CNTNAP5: variants seen among roughly 807,000 people sequenced by gnomAD.
CNTNAP5 encodes contactin associated protein family member 5.
Under a neutral mutation model 150.2 loss-of-function variants are expected in CNTNAP5, and 72 were observed. That is an observed-to-expected ratio of 0.48 (90% CI 0.40 to 0.58). The LOEUF (loss-of-function observed/expected upper bound fraction) is 0.58. CNTNAP5 is among the 20% of genes least tolerant of loss of function. The pLI is 0.00. For synonymous variants in CNTNAP5, 672 were observed against 619.8 expected, an observed-to-expected ratio of 1.08 and a Z score of -1.25; for missense variants, 1,636 against 1,626.2, an observed-to-expected ratio of 1.01 and a Z score of -0.10.
intron 3 of CNTNAP5, among the ~76,000 whole-genome samples, chr2:124,269,937 C>T (rs762878646): frequency 2.6e-5 from 4 of 152,108 alleles, no homozygotes; most frequent in Non-Finnish European, 5.9e-5. Context: ...ATCATGTCTG[C>T]GGATGTTAAT....
At chr2:124,387,306 A>G (rs1690954680) in intron 3 of CNTNAP5, among the ~76,000 whole-genome samples, 1 of 152,128 alleles carries the variant, frequency 6.6e-6, no homozygotes, top group Non-Finnish European at 1.5e-5. Flanking sequence ...TTTTCTTCAA[A>G]TCTATTATTT....
chr2:124,546,617 G>A (rs549326920), intron 10 of CNTNAP5, among the ~76,000 whole-genome samples: 56 of 152,296 alleles, frequency 3.7e-4, no homozygotes, highest in African/African-American at 1.3e-3. Flanking sequence ...GTAGTTGGTA[G>A]TGTAGACAAT....
chr2:124,887,664 A>C (rs933755383), intron 21 of CNTNAP5, among the ~76,000 whole-genome samples: 2 of 152,158 alleles, frequency 1.3e-5, no homozygotes, highest in Non-Finnish European at 2.9e-5. Flanking sequence ...TGAGGATGAA[A>C]GAAGGAACTC....
chr2:124,187,808 A>C (rs935826579), intron 1 of CNTNAP5, among the ~76,000 whole-genome samples: 3 of 152,218 alleles, frequency 2.0e-5, no homozygotes, highest in African/African-American at 7.2e-5. Context: ...TCTGATGACT[A>C]AAACAATTTT....
intron 1 of CNTNAP5, among the ~76,000 whole-genome samples, chr2:124,174,014 C>T (rs1162853586): frequency 6.6e-6 from 1 of 151,368 alleles, no homozygotes; most frequent in Admixed American, 6.6e-5. Flanking sequence ...CTACTTGTGC[C>T]TCATAAATGG....
chr2:124,337,649 GT>G (rs1432155441), intron 3 of CNTNAP5, among the ~76,000 whole-genome samples: 1 of 152,120 alleles, frequency 6.6e-6, no homozygotes, highest in Non-Finnish European at 1.5e-5. Context: ...CCCATTTCCT[GT>G]TTTTGTCAGG....
At chr2:124,188,086 A>T (rs533248431) in intron 1 of CNTNAP5, among the ~76,000 whole-genome samples, 1 of 152,318 alleles carries the variant, frequency 6.6e-6, no homozygotes, top group African/African-American at 2.4e-5. Flanking sequence ...TCTGAGCAGA[A>T]CTGCAACAGA....
In CNTNAP5 at chr2:124,542,695, T is replaced by C. The variant is rs567989689; in HGVS notation, c.1649+15239T>C. Among the ~76,000 whole-genome samples, 5 of 152,286 alleles carry C rather than the reference T, an allele frequency of 3.3e-5. No individual in the cohort carries two copies. In the South Asian group the frequency reaches 1.0e-3, roughly 32 times the overall value. ...TTGGGTGTCTCTGGCACTTTCTTCT[T>C]ATATTTTGTTTAGCTCCCAACCATA... On this transcript the variant is annotated intron_variant, in intron 10 of 23. Coordinates refer to ENST00000682447, the MANE Select transcript of CNTNAP5 (RefSeq NM_001367498.1).
chr2:124,474,973 T>A, intron 7 of CNTNAP5, 91 bp downstream of exon 7: 1 of 1,091,754 alleles, frequency 9.2e-7, no homozygotes, highest in Non-Finnish European at 1.3e-6. Flanking sequence ...CCATTCGTAA[T>A]GTGTTTATCT....
In CNTNAP5 at chr2:124,136,204, A is replaced by G. The variant is rs566373527; in HGVS notation, c.83-85501A>G. 7.1e-4 allele frequency among the ~76,000 whole-genome samples: 108 copies of G among 152,322 alleles called. 1 individual carries two copies. The Middle Eastern group carries it at 0.027, about 38-fold the overall frequency. ...TGTCTTTTCCAATGTATAAATCCCC[A>G]GAGCTGTAAGTGAATCAGAGAAAGC... On this transcript the variant is annotated intron_variant, in intron 1 of 23. Transcript: ENST00000682447.
At chr2:124,478,554 C>T (rs1262251154) in intron 7 of CNTNAP5, among the ~76,000 whole-genome samples, 1 of 151,932 alleles carries the variant, frequency 6.6e-6, no homozygotes, top group Non-Finnish European at 1.5e-5. Flanking sequence ...ATTTATATAC[C>T]TAGTCTATCT....
intron 8 of CNTNAP5, among the ~76,000 whole-genome samples, chr2:124,514,022 T>A (rs184097123): frequency 6.6e-6 from 1 of 152,324 alleles, no homozygotes; most frequent in East Asian, 1.9e-4. Flanking sequence ...TGAGCTAAGA[T>A]AATGTTAATG....
intron 4 of CNTNAP5, among the ~76,000 whole-genome samples, chr2:124,432,297 T>C (rs1170745453): frequency 6.6e-6 from 1 of 152,310 alleles, no homozygotes; most frequent in Middle Eastern, 3.4e-3. Context: ...ACTAGAGATC[T>C]TTCTGTCCCT....
intron 13 of CNTNAP5, among the ~76,000 whole-genome samples, chr2:124,664,560 G>T (rs1678659091): frequency 6.6e-6 from 1 of 152,154 alleles, no homozygotes; most frequent in Non-Finnish European, 1.5e-5. Context: ...GGTCACCTTG[G>T]CAGATGCAAA....
At chr2:124,312,908 T>C (rs1688869346) in intron 3 of CNTNAP5, among the ~76,000 whole-genome samples, 1 of 152,178 alleles carries the variant, frequency 6.6e-6, no homozygotes, top group Non-Finnish European at 1.5e-5. Flanking sequence ...TTTTGCCATA[T>C]TGGCCAGGCT....
At chr2:124,264,230 C>T (rs1558825465) in intron 3 of CNTNAP5, among the ~76,000 whole-genome samples, 1 of 152,024 alleles carries the variant, frequency 6.6e-6, no homozygotes, top group South Asian at 2.1e-4. Flanking sequence ...TCATTTTAAC[C>T]TTGTAAATGT....
At chr2:124,458,167 T>A (rs2420860) in intron 6 of CNTNAP5, among the ~76,000 whole-genome samples, 4 of 147,598 alleles carry the variant, frequency 2.7e-5, no homozygotes, top group Admixed American at 6.8e-5. Flanking sequence ...CCAACTCAAA[T>A]GCCCATCAAT....
In CNTNAP5 at chr2:124,446,897, G is replaced by T. The variant is rs201163242; in HGVS notation, c.878G>T (p.Arg293Leu). The change falls in exon 6 of 24, where the codon CGC becomes CTC. Residue 293 changes from arginine (R) to leucine (L), a missense_variant. By Grantham distance (102) the Arg-to-Leu change is moderately radical. Transcript: ENST00000682447. ...FTVDKHTQHFRTKGETDALDI... is the reference protein window; with the variant it reads ...FTVDKHTQHFLTKGETDALDI... ...GTGGACAAGCACACACAGCACTTCC[G>T]CACCAAGGGCGAGACGGATGCCTTA... 6.2e-7 allele frequency: 1 copy of T among 1,613,838 alleles called. No homozygotes were observed. Among genetic ancestry groups the T allele is most frequent in the Non-Finnish European group, 8.5e-7 (1 of 1,179,808 alleles).
chr2:124,348,120 C>T (rs577163355), intron 3 of CNTNAP5, among the ~76,000 whole-genome samples: 9 of 152,236 alleles, frequency 5.9e-5, no homozygotes, highest in African/African-American at 2.2e-4. Flanking sequence ...AGTACTCATA[C>T]TATCTCCACA....
Sources: allele counts gnomAD v4.1 joint callset (sites outside exome capture counted in the v4.1 genomes callset), GRCh38; gene constraint gnomAD v4.1.1; transcripts MANE v1.5; gene names NCBI Gene and HGNC (gene_info 2026-07-23, HGNC 2026-07-21).